Variants in FRMD5 observed in about 807,000 individuals in gnomAD.
FRMD5 encodes FERM domain containing 5, also known as FERM domain-containing protein 5.
Under a neutral mutation model 69.0 loss-of-function variants are expected in FRMD5, and 20 were observed. The observed-to-expected ratio is 0.29, with a 90% CI of 0.20 to 0.42. The LOEUF (loss-of-function observed/expected upper bound fraction) is 0.42. Among genes scored for constraint, FRMD5 ranks in the 10% least tolerant of loss-of-function variants. The pLI is 1.00. For synonymous variants in FRMD5, 271 were observed against 260.1 expected, an observed-to-expected ratio of 1.04 and a Z score of -0.40; for missense variants, 595 against 708.6, an observed-to-expected ratio of 0.84 and a Z score of 1.82.
chr15:44,039,371 T>C (rs1222756601), intron 1 of FRMD5, among the ~76,000 whole-genome samples: 1 of 152,192 alleles, frequency 6.6e-6, no homozygotes, highest in East Asian at 1.9e-4. Context: ...CTGTGTATTC[T>C]GACTGGAAGA....
At chr15:43,964,717 C>T (rs1422237322) in intron 1 of FRMD5, among the ~76,000 whole-genome samples, 2 of 152,166 alleles carry the variant, frequency 1.3e-5, no homozygotes, top group Non-Finnish European at 2.9e-5. Context: ...TGACAATTTT[C>T]TTGTGACCTT....
At chr15:43,997,977 A>G (rs116577379) in intron 1 of FRMD5, among the ~76,000 whole-genome samples, 1 of 152,280 alleles carries the variant, frequency 6.6e-6, no homozygotes, top group African/African-American at 2.4e-5. Flanking sequence ...TATTTAAGGT[A>G]TACAACATGA....
intron 10 of FRMD5, among the ~76,000 whole-genome samples, chr15:43,886,145 T>C (rs924645607): frequency 2.6e-5 from 4 of 152,182 alleles, no homozygotes; most frequent in African/African-American, 4.8e-5. Flanking sequence ...CCTTCTCTCT[T>C]AGCCTCACCC....
At chr15:43,902,086 G>T (rs2089058928) in intron 7 of FRMD5, 89 bp downstream of exon 7, 2 of 893,162 alleles carry the variant, frequency 2.2e-6, no homozygotes, top group South Asian at 2.8e-5. Flanking sequence ...AACGTTGAAG[G>T]GGGCCTCTGA....
rs752188074 is a variant in FRMD5, at chr15:44,120,533, A to ATTCTTT, written c.102+74419_102+74420insAAAGAA. On this transcript the variant is annotated intron_variant, in intron 1 of 13. Transcript: ENST00000417257. Reference sequence around the variant, plus strand: ...AAGTAGGGATTATTGGGAAGAGTGGATTTTTTTTTTTTTTTTTTGAGACGG... The same window carrying ATTCTTT: ...AAGTAGGGATTATTGGGAAGAGTGGATTCTTTTTTTTTTTTTTTTTTTTTGAGACGG... Among the ~76,000 whole-genome samples, 174 of 137,732 alleles carry ATTCTTT rather than the reference A, an allele frequency of 1.3e-3. 4 individuals are homozygous for ATTCTTT. Among genetic ancestry groups the ATTCTTT allele is most frequent in the Middle Eastern group, 3.9e-3 (1 of 254 alleles). 90.4% of individuals were successfully genotyped at this position (137,732 alleles called of 152,430 possible). A position where few individuals can be genotyped will look rare whatever the true frequency, so the allele number is the denominator to read the frequency against.
intron 1 of FRMD5, among the ~76,000 whole-genome samples, chr15:43,988,560 G>A (rs1429919714): frequency 1.3e-5 from 2 of 151,710 alleles, no homozygotes; most frequent in African/African-American, 4.8e-5. Flanking sequence ...CAACTCCCAG[G>A]GAGACAAAAA....
At chr15:43,906,040 G>T in intron 5 of FRMD5, 89 bp from the exon 6 acceptor site, 1 of 1,479,560 alleles carries the variant, frequency 6.8e-7, no homozygotes, top group Non-Finnish European at 9.4e-7. Context: ...CAGAGCAAAA[G>T]CCAAAATACA....
chr15:44,166,891 C>G (rs1280875570), intron 1 of FRMD5, among the ~76,000 whole-genome samples: 1 of 151,446 alleles, frequency 6.6e-6, no homozygotes, highest in Non-Finnish European at 1.5e-5. Flanking sequence ...TAAGGTCTAT[C>G]CAAAGTGAGA....
At chr15:44,164,739 T>C (rs1023509083) in intron 1 of FRMD5, among the ~76,000 whole-genome samples, 1 of 152,156 alleles carries the variant, frequency 6.6e-6, no homozygotes, top group Non-Finnish European at 1.5e-5. Flanking sequence ...ACTCAGACAC[T>C]CCTACCTTGG....
At chr15:43,916,032 T>G (rs578048901) in intron 4 of FRMD5, among the ~76,000 whole-genome samples, 4 of 152,228 alleles carry the variant, frequency 2.6e-5, no homozygotes, top group African/African-American at 4.8e-5. Flanking sequence ...GCACAAAGAC[T>G]GCAAAGCAGG....
intron 1 of FRMD5, among the ~76,000 whole-genome samples, chr15:43,971,589 C>G (rs1374076080): frequency 7.2e-6 from 1 of 138,838 alleles, no homozygotes; most frequent in African/African-American, 2.7e-5. Context: ...GAGGCTGATG[C>G]AGGAGAATCA....
chr15:44,099,626 C>G (rs894944728), intron 1 of FRMD5, among the ~76,000 whole-genome samples: 25 of 152,208 alleles, frequency 1.6e-4, no homozygotes, highest in African/African-American at 6.0e-4. Flanking sequence ...TCAAAATTTG[C>G]TTGGCATCCT....
intron 1 of FRMD5, among the ~76,000 whole-genome samples, chr15:44,041,562 G>A (rs939061559): frequency 6.6e-6 from 1 of 152,140 alleles, no homozygotes; most frequent in Non-Finnish European, 1.5e-5. Flanking sequence ...CAAAAGAACA[G>A]AAATCATAAC....
In FRMD5 at chr15:43,873,249, A is replaced by G. The variant is rs1476895108; in HGVS notation, c.*636T>C. The G allele has an allele frequency of 6.5e-7, 1 of 1,548,974 alleles. No individual in the cohort carries two copies. The highest frequency in any genetic ancestry group is 2.4e-5 in the East Asian group (1 of 40,918). On this transcript the variant is annotated 3_prime_UTR_variant, in exon 14 of 14. Transcript: ENST00000417257. ...TGCTCAGATTTGAAAAAACAAAAGG[A>G]AAAGAAAATCCAACTCAGACCATCA...
At chr15:44,187,125 C>T (rs549155389) in intron 1 of FRMD5, among the ~76,000 whole-genome samples, 1 of 152,190 alleles carries the variant, frequency 6.6e-6, no homozygotes, top group South Asian at 2.1e-4. Flanking sequence ...AATTTGATAC[C>T]CTCTTTTTTG....
chr15:44,178,862 C>T (rs1467613623), intron 1 of FRMD5, among the ~76,000 whole-genome samples: 1 of 151,950 alleles, frequency 6.6e-6, no homozygotes, highest in African/African-American at 2.4e-5. Flanking sequence ...TGTGGTAGCA[C>T]GCACCTATAG....
chr15:44,102,202 G>A (rs2076651183), intron 1 of FRMD5, among the ~76,000 whole-genome samples: 1 of 152,222 alleles, frequency 6.6e-6, no homozygotes, highest in Admixed American at 6.5e-5. Context: ...TAGAGAATGT[G>A]AGGAATGTGT....
chr15:44,104,418 A>G (rs1425717476), intron 1 of FRMD5, among the ~76,000 whole-genome samples: 1 of 152,218 alleles, frequency 6.6e-6, no homozygotes, highest in Non-Finnish European at 1.5e-5. Context: ...TTAAATCCAT[A>G]GTAGTGTACA....
intron 1 of FRMD5, among the ~76,000 whole-genome samples, chr15:44,071,687 T>C (rs1356397735): frequency 2.0e-5 from 3 of 152,232 alleles, no homozygotes; most frequent in Non-Finnish European, 4.4e-5. Context: ...TGTTTATTTA[T>C]GGTTAATGTA....
Sources: gnomAD v4.1 joint callset for allele counts (sites outside exome capture counted in the v4.1 genomes callset) on GRCh38, gnomAD v4.1.1 for gene constraint, MANE v1.5 for transcripts, NCBI Gene and HGNC (gene_info 2026-07-23, HGNC 2026-07-21) for gene names.